Variants in JHY observed in about 807,000 individuals in gnomAD.
JHY encodes jhy protein homolog.
A neutral mutation model predicts 78.0 loss-of-function variants in JHY; 69 were observed. The ratio of observed to expected loss-of-function variants is 0.88; its 90% CI spans 0.73 to 1.08. The LOEUF is 1.08. Ranked by LOEUF, JHY falls within the 50% of genes least tolerant of loss-of-function variation. The pLI is 0.00. For missense variants in JHY, 944 were observed against 927.8 expected, an observed-to-expected ratio of 1.02 and a Z score of -0.23; for synonymous variants, 368 against 342.6, an observed-to-expected ratio of 1.07 and a Z score of -0.82.
intron 5 of JHY, among the ~76,000 whole-genome samples, chr11:122,938,593 C>T (rs1863805986): frequency 6.6e-6 from 1 of 152,146 alleles, no homozygotes; most frequent in African/African-American, 2.4e-5. Flanking sequence ...TCTCTTTCCT[C>T]TAGGTCTTTG....
chr11:122,903,745 G>T (rs3134400), intron 2 of JHY, among the ~76,000 whole-genome samples, 180 bp from the exon 3 acceptor site: 141,251 of 152,178 alleles, frequency 0.93, 65,762 homozygotes, highest in Middle Eastern at 0.98. Flanking sequence ...GCTTCCCAAA[G>T]TGTTGGGATT....
chr11:122,906,778 T>C (rs2135312613), intron 3 of JHY, among the ~76,000 whole-genome samples: 1 of 152,338 alleles, frequency 6.6e-6, no homozygotes, highest in Non-Finnish European at 1.5e-5. Flanking sequence ...TGATTGTCAG[T>C]GATTCCACAG....
intron 8 of JHY, 127 bp downstream of exon 8, chr11:122,957,618 C>A: frequency 2.0e-6 from 2 of 996,016 alleles, no homozygotes; most frequent in Non-Finnish European, 2.7e-6. Flanking sequence ...TGGTCATAAA[C>A]TCCTGGGCTC....
chr11:122,958,922 A>G, intron 8 of JHY: 1 of 985,204 alleles, frequency 1.0e-6, no homozygotes, highest in Non-Finnish European at 1.2e-6. Flanking sequence ...GTTTGGTTTT[A>G]CTAAGACTTC....
chr11:122,942,954 A>T (rs1442919638), intron 5 of JHY, among the ~76,000 whole-genome samples: 6 of 152,324 alleles, frequency 3.9e-5, no homozygotes, highest in Middle Eastern at 3.4e-3. Context: ...AGCTCACTGC[A>T]GTCTCCAACT....
At chr11:122,899,436 C>T (rs1862800618) in intron 2 of JHY, among the ~76,000 whole-genome samples, 1 of 152,204 alleles carries the variant, frequency 6.6e-6, no homozygotes, top group Non-Finnish European at 1.5e-5. Context: ...CCCTAAAAAT[C>T]ATTCCCTAAT....
At chr11:122,929,501 A>G (rs1270196556) in intron 4 of JHY, among the ~76,000 whole-genome samples, 1 of 152,086 alleles carries the variant, frequency 6.6e-6, no homozygotes, top group Non-Finnish European at 1.5e-5. Flanking sequence ...TCTGGCTGCT[A>G]TTTGTATGGT....
chr11:122,900,075 AT>A (rs1391719500), intron 2 of JHY, among the ~76,000 whole-genome samples: 1 of 152,236 alleles, frequency 6.6e-6, no homozygotes, highest in African/African-American at 2.4e-5. Flanking sequence ...GGTTTTAGGC[AT>A]CCCATTTTCT....
chr11:122,904,537 C>A (rs376184643), intron 3 of JHY, 93 bp downstream of exon 3: 3 of 1,397,832 alleles, frequency 2.1e-6, no homozygotes, highest in East Asian at 4.6e-5. Context: ...TTTAAGATGA[C>A]GATGTCATAG....
At chr11:122,906,180 C>T (rs1862987882) in intron 3 of JHY, among the ~76,000 whole-genome samples, 1 of 151,906 alleles carries the variant, frequency 6.6e-6, no homozygotes, top group Non-Finnish European at 1.5e-5. Flanking sequence ...TTCAACAGTC[C>T]AATATCTTTG....
At chr11:122,895,319 CAAAT>C (rs1862715772) in intron 2 of JHY, among the ~76,000 whole-genome samples, 1 of 152,186 alleles carries the variant, frequency 6.6e-6, no homozygotes. Context: ...AATGAAGTGA[CAAAT>C]AAATAACAGC....
rs1182478834 is a variant in JHY, at chr11:122,959,101, CA to C, written c.2140-146del. 5 of 1,388,752 alleles carry C rather than the reference CA, an allele frequency of 3.6e-6. No homozygotes were observed. In the African/African-American group the frequency reaches 7.3e-5, roughly 20 times the overall value. The allele number at this position is 1,388,752 out of a possible 1,614,324, so 86.0% of individuals were successfully genotyped here. ...TTTGTTTAAACTGTGTGTTATATTGCATTGTTTGATCTCCATTTCCACCAAT... is the reference window on the plus strand; with the variant it reads ...TTTGTTTAAACTGTGTGTTATATTGCTTGTTTGATCTCCATTTCCACCAAT... On this transcript the variant is annotated intron_variant, in intron 8 of 8. Coordinates refer to ENST00000227349, the MANE Select transcript of JHY (RefSeq NM_024806.4).
chr11:122,920,940 A>G (rs544033017), intron 3 of JHY, among the ~76,000 whole-genome samples: 4 of 152,210 alleles, frequency 2.6e-5, no homozygotes, highest in South Asian at 4.1e-4. Flanking sequence ...ATAGGCCCCA[A>G]TTTAACAGAA....
intron 2 of JHY, among the ~76,000 whole-genome samples, chr11:122,888,572 A>G (rs1170620987): frequency 1.3e-5 from 2 of 151,980 alleles, no homozygotes; most frequent in African/African-American, 2.4e-5. Context: ...ATTCTAACCT[A>G]TAGAAAATTA....
intron 2 of JHY, among the ~76,000 whole-genome samples, chr11:122,893,318 G>A (rs1862665408): frequency 1.3e-5 from 2 of 152,172 alleles, no homozygotes; most frequent in African/African-American, 4.8e-5. Context: ...AGCAGGCATG[G>A]TGCCATCGTA....
At chr11:122,893,856 T>A (rs1284274503) in intron 2 of JHY, among the ~76,000 whole-genome samples, 1 of 152,180 alleles carries the variant, frequency 6.6e-6, no homozygotes, top group African/African-American at 2.4e-5. Context: ...ATTCCCTTTA[T>A]TTATTGTACA....
In JHY at chr11:122,959,444, A is replaced by G; in HGVS notation, c.2336A>G (p.Ter779TrpextTer50). The G allele has an allele frequency of 6.2e-7, 1 of 1,613,976 alleles. No homozygotes were observed. Among genetic ancestry groups the G allele is most frequent in the Non-Finnish European group, 8.5e-7 (1 of 1,179,898 alleles). ...VAAFKVLHIV[*>W] ...GCTTTCAAAGTCCTTCACATCGTAT[A>G]GACAACATTTGATAGGAAGGAGACC... The change falls in exon 9 of 9, where the codon TAG (stop) becomes TGG (tryptophan). Residue 779 changes from the stop codon to tryptophan (W), a stop_lost. Transcript: ENST00000227349.
chr11:122,936,905 C>T (rs1863768809), intron 5 of JHY, among the ~76,000 whole-genome samples: 1 of 152,050 alleles, frequency 6.6e-6, no homozygotes, highest in African/African-American at 2.4e-5. Context: ...TTTTTGCATC[C>T]TCTGGGACAC....
intron 3 of JHY, among the ~76,000 whole-genome samples, chr11:122,915,679 A>C (rs1045450929): frequency 1.9e-4 from 29 of 151,974 alleles, no homozygotes; most frequent in African/African-American, 7.0e-4. Context: ...TGCCTGGCTA[A>C]GTTTCATATT....
Sources: allele counts gnomAD v4.1 joint callset (sites outside exome capture counted in the v4.1 genomes callset), GRCh38; gene constraint gnomAD v4.1.1; transcripts MANE v1.5; gene names NCBI Gene and HGNC (gene_info 2026-07-23, HGNC 2026-07-21).